Variants in CHSY1 observed in about 807,000 individuals in gnomAD.
CHSY1 encodes the protein N-acetylgalactosaminyl-proteoglycan 3-beta-glucuronosyltransferase 1.
In CHSY1, 13 loss-of-function variants were observed where a neutral mutation model predicts 59.8. The ratio of observed to expected loss-of-function variants is 0.22; its 90% CI spans 0.14 to 0.35. CHSY1 has a LOEUF of 0.35. CHSY1 is among the 10% of genes least tolerant of loss of function. The pLI, the probability that CHSY1 is intolerant of heterozygous loss-of-function variation, is 1.00. For synonymous variants in CHSY1, 459 were observed against 401.2 expected, an observed-to-expected ratio of 1.14 and a Z score of -1.72; for missense variants, 947 against 1,030.6, an observed-to-expected ratio of 0.92 and a Z score of 1.11.
chr15:101,214,541 G>A lies in CHSY1; in HGVS notation c.816+20541C>T, dbSNP rs78690107. ...TGCTTACATACTTTGGTATATGAAT[G>A]CTGAGTGATACAGCTTGGATCTGTG... is the stretch of plus-strand genomic sequence containing the variant. On this transcript the variant is annotated intron_variant, in intron 2 of 2. Coordinates refer to ENST00000254190, the MANE Select transcript of CHSY1 (RefSeq NM_014918.5). Among the ~76,000 whole-genome samples, 155 of 152,344 alleles carry A rather than the reference G, an allele frequency of 1.0e-3. 2 individuals carry two copies. In the East Asian group the frequency reaches 0.027, roughly 26 times the overall value.
chr15:101,208,988 A>C (rs918822574), intron 2 of CHSY1, among the ~76,000 whole-genome samples: 2 of 152,206 alleles, frequency 1.3e-5, no homozygotes, highest in African/African-American at 4.8e-5. Context: ...TTATTCTGCC[A>C]AGAAACATCA....
chr15:101,240,943 G>A (rs1011960079), intron 1 of CHSY1, among the ~76,000 whole-genome samples: 3 of 152,162 alleles, frequency 2.0e-5, no homozygotes, highest in African/African-American at 7.2e-5. Flanking sequence ...TAATATACGG[G>A]TAAGCTTAAA....
chr15:101,214,666 G>A (rs987297040), intron 2 of CHSY1, among the ~76,000 whole-genome samples: 1 of 146,552 alleles, frequency 6.8e-6, no homozygotes, highest in Non-Finnish European at 1.5e-5. Flanking sequence ...GCATAGGTGG[G>A]AGGTGGCTGG....
intron 1 of CHSY1, among the ~76,000 whole-genome samples, chr15:101,249,056 G>A (rs377427156): frequency 1.5e-3 from 222 of 151,218 alleles, no homozygotes; most frequent in African/African-American, 5.2e-3. Flanking sequence ...GCCCGCCTCG[G>A]CCTCCCAAAG....
chr15:101,213,239 A>C (rs2038699137), intron 2 of CHSY1, among the ~76,000 whole-genome samples: 1 of 150,960 alleles, frequency 6.6e-6, no homozygotes, highest in African/African-American at 2.4e-5. Context: ...ACACTTGACA[A>C]CTATATCCTA....
intron 2 of CHSY1, among the ~76,000 whole-genome samples, chr15:101,196,757 C>T (rs2038511386): frequency 6.6e-6 from 1 of 152,228 alleles, no homozygotes; most frequent in Non-Finnish European, 1.5e-5. Context: ...GGCATGGTGG[C>T]TCATGCCTAT....
intron 2 of CHSY1, among the ~76,000 whole-genome samples, chr15:101,229,825 T>C (rs2038875330): frequency 6.6e-6 from 1 of 152,006 alleles, no homozygotes. Flanking sequence ...GAGAATCGCT[T>C]GAACCGAGGA....
At chr15:101,238,668 C>G (rs1020470619) in intron 1 of CHSY1, among the ~76,000 whole-genome samples, 2 of 152,180 alleles carry the variant, frequency 1.3e-5, no homozygotes, top group South Asian at 4.1e-4. Context: ...TTAATGTTTT[C>G]CCTTAGTGCC....
At chr15:101,197,505 C>T (rs1186984250) in intron 2 of CHSY1, among the ~76,000 whole-genome samples, 2 of 152,074 alleles carry the variant, frequency 1.3e-5, no homozygotes, top group African/African-American at 4.8e-5. Context: ...GAGAAGATTC[C>T]CAAGTCCTTG....
At chr15:101,213,373 T>C (rs1596444473) in intron 2 of CHSY1, among the ~76,000 whole-genome samples, 1 of 152,086 alleles carries the variant, frequency 6.6e-6, no homozygotes, top group South Asian at 2.1e-4. Flanking sequence ...GAGCTTACCA[T>C]TAGACAAATG....
Position 101,251,390 on chromosome 15 carries a change from C to A in CHSY1, c.67G>T (p.Ala23Ser), listed in dbSNP as rs1206648473. ...GCCCGGGGCAGGACGAGCCGCGAGG[C>A]CAGCACGAAGCCCAGGACGAGCCCG... ...LLGLVLGFVLASRLVLPRASE... is the reference protein window; with the variant it reads ...LLGLVLGFVLSSRLVLPRASE... Residue 23 changes from alanine (A) to serine (S), a missense_variant, in exon 1 of 3, where the codon GCC becomes TCC. Ala to Ser is a moderately conservative substitution (Grantham distance 99). Around this residue, in one of 4 missense-constraint regions of CHSY1, gnomAD observed 232 missense variants for 188.5 expected, o/e 1.23. Transcript: ENST00000254190. The A allele has an allele frequency of 2.6e-6, 3 of 1,167,788 alleles. No homozygotes were observed. The highest frequency in any genetic ancestry group is 3.2e-6 in the Non-Finnish European group (3 of 926,908). The allele number at this position is 1,167,788 out of a possible 1,614,324, so 72.3% of individuals were successfully genotyped here. A position where few individuals can be genotyped will look rare whatever the true frequency, so the allele number is the denominator to read the frequency against.
rs565534127 is a variant in CHSY1, at chr15:101,211,763, G to GA, written c.816+23318dup. 5.9e-5 allele frequency among the ~76,000 whole-genome samples: 9 copies of GA among 151,760 alleles called. No homozygotes were observed. In the South Asian group the frequency reaches 1.0e-3, roughly 18 times the overall value. ...AGAGAAAAGATAAAATACCTTCAAA[G>GA]AAAAAACAATACGACTTGAGAGGTG... On this transcript the variant is annotated intron_variant, in intron 2 of 2. Transcript: ENST00000254190.
At chr15:101,237,453 A>T (rs2141277033) in intron 1 of CHSY1, among the ~76,000 whole-genome samples, 1 of 152,348 alleles carries the variant, frequency 6.6e-6, no homozygotes, top group Non-Finnish European at 1.5e-5. Flanking sequence ...GCAGCAGCCC[A>T]GACCCGGGTT....
intron 2 of CHSY1, among the ~76,000 whole-genome samples, chr15:101,234,298 G>T (rs2038918566): frequency 1.3e-5 from 2 of 152,214 alleles, no homozygotes; most frequent in African/African-American, 4.8e-5. Flanking sequence ...GAAGTCAAAT[G>T]CTATTGGCTT....
intron 1 of CHSY1, among the ~76,000 whole-genome samples, chr15:101,243,308 G>C (rs2039020328): frequency 6.6e-6 from 1 of 152,200 alleles, no homozygotes; most frequent in African/African-American, 2.4e-5. Context: ...GTGTTGGAGA[G>C]CTCCTTTCAT....
chr15:101,195,014 G>A lies in CHSY1; in HGVS notation c.817-16034C>T, dbSNP rs895400065. 1.2e-4 allele frequency among the ~76,000 whole-genome samples: 19 copies of A among 152,204 alleles called. No homozygotes were observed. The East Asian group carries it at 2.3e-3, about 19-fold the overall frequency. ...TGAATGAAAAGTAGTCTTACAAACC[G>A]CATTTCATAAGCTCGCCCATAACCC... On this transcript the variant is annotated intron_variant, in intron 2 of 2. Transcript: ENST00000254190.
intron 2 of CHSY1, among the ~76,000 whole-genome samples, chr15:101,216,889 G>A (rs192340481): frequency 2.9e-4 from 44 of 152,268 alleles, no homozygotes; most frequent in Non-Finnish European, 3.1e-4. Context: ...AAATTTTTAC[G>A]AAATCATTTA....
intron 2 of CHSY1, among the ~76,000 whole-genome samples, chr15:101,198,128 A>C (rs771127277): frequency 5.3e-5 from 8 of 152,070 alleles, no homozygotes; most frequent in Admixed American, 5.2e-4. Flanking sequence ...GCAGAGTGTG[A>C]GTGAGAGACC....
At chr15:101,214,204 T>C (rs562475874) in intron 2 of CHSY1, among the ~76,000 whole-genome samples, 94 of 152,286 alleles carry the variant, frequency 6.2e-4, no homozygotes, top group African/African-American at 2.2e-3. Flanking sequence ...CGGCCCCTAT[T>C]TGACAAACCC....
Sources: allele counts gnomAD v4.1 joint callset (sites outside exome capture counted in the v4.1 genomes callset), GRCh38; gene constraint gnomAD v4.1.1; regional missense constraint gnomAD v4.1.1; transcripts MANE v1.5; gene names NCBI Gene and HGNC (gene_info 2026-07-23, HGNC 2026-07-21).